The following COL21A1 variants were observed in gnomAD, a reference collection of about 807,000 sequenced individuals.
COL21A1 encodes collagen alpha-1(XXI) chain.
A neutral mutation model predicts 137.9 loss-of-function variants in COL21A1; 149 were observed. The observed-to-expected ratio is 1.08, with a 90% CI of 0.95 to 1.24. The LOEUF is 1.24. Among genes scored for constraint, COL21A1 ranks in the 50% most tolerant of loss-of-function variants. COL21A1 has a pLI of 0.00. For missense variants in COL21A1, 1,167 were observed against 1,158.4 expected (o/e 1.01, Z -0.11); for synonymous variants, 456 against 391.5 (o/e 1.16, Z -1.95).
intron 24 of COL21A1, among the ~76,000 whole-genome samples, chr6:56,063,227 AC>A (rs1765961640): frequency 6.6e-6 from 1 of 152,164 alleles, no homozygotes; most frequent in Admixed American, 6.6e-5. Context: ...GTTAGTGGAA[AC>A]TTAGAGAAAG....
At chr6:56,059,896 C>T (rs988105563) in intron 28 of COL21A1, 122 bp downstream of exon 28, 21 of 625,368 alleles carry the variant, frequency 3.4e-5, no homozygotes, top group Middle Eastern at 3.6e-4. Flanking sequence ...TATTTAAAGA[C>T]GAGCATTTAC....
In COL21A1 at chr6:56,074,270, T is replaced by C. The variant is rs1168502996; in HGVS notation, c.1927A>G (p.Asn643Asp). 1 of 1,594,262 alleles carries C rather than the reference T, an allele frequency of 6.3e-7. No homozygotes were observed. The highest frequency in any genetic ancestry group is 1.7e-5 in the Admixed American group (1 of 57,444). Reference protein sequence around the residue: ...APGMPGLMGSNGSPGQPGTPG... With the variant: ...APGMPGLMGSDGSPGQPGTPG... The stretch of plus-strand genomic sequence containing the variant: ...GTTCCAGGCTGGCCTGGTGAGCCAT[T>C]GCTTCCCATTAAACCCTACAATTTT... Residue 643 changes from asparagine to aspartate, a missense_variant, in exon 20 of 30, where the codon AAT (asparagine) becomes GAT (aspartate). Coordinates refer to ENST00000244728, the MANE Select transcript of COL21A1 (RefSeq NM_030820.4).
chr6:56,166,520 C>T (rs12207093), intron 7 of COL21A1, among the ~76,000 whole-genome samples: 13,587 of 152,006 alleles, frequency 0.089, 717 homozygotes, highest in African/African-American at 0.14. Context: ...GGTGTGGTGG[C>T]GGGCATCTGT....
intron 1 of COL21A1, among the ~76,000 whole-genome samples, chr6:56,216,213 A>C (rs1008904319): frequency 1.3e-5 from 2 of 152,130 alleles, no homozygotes; most frequent in Admixed American, 6.6e-5. Flanking sequence ...TATATTGTCC[A>C]CTGCGATATG....
chr6:56,097,113 C>A (rs1769395012), intron 17 of COL21A1, among the ~76,000 whole-genome samples: 1 of 152,126 alleles, frequency 6.6e-6, no homozygotes, highest in Non-Finnish European at 1.5e-5. Flanking sequence ...AGACACTTAA[C>A]CTATGAATTG....
chr6:56,105,921 T>A (rs1455366664), intron 16 of COL21A1, among the ~76,000 whole-genome samples: 1 of 152,194 alleles, frequency 6.6e-6, no homozygotes, highest in Non-Finnish European at 1.5e-5. Context: ...ATTCTTGTCC[T>A]TTACCTCACT....
At chr6:56,238,517 G>A (rs1782059634) in intron 1 of COL21A1, among the ~76,000 whole-genome samples, 1 of 150,634 alleles carries the variant, frequency 6.6e-6, no homozygotes, top group African/African-American at 2.5e-5. Context: ...GAGACCTGAG[G>A]ATACCCTCAG....
intron 12 of COL21A1, among the ~76,000 whole-genome samples, chr6:56,135,291 A>C (rs1773910755): frequency 6.6e-6 from 1 of 152,162 alleles, no homozygotes; most frequent in East Asian, 1.9e-4. Flanking sequence ...ATCACAGCCC[A>C]GTAGGAAAAT....
chr6:56,196,374 TC>T (rs1779026764), intron 1 of COL21A1, among the ~76,000 whole-genome samples: 2 of 151,782 alleles, frequency 1.3e-5, no homozygotes, highest in South Asian at 2.1e-4. Context: ...GCCAAACCAA[TC>T]AGGCAAGAAA....
At chr6:56,273,371 T>TAGCTA (rs1763571293) in intron 1 of COL21A1, among the ~76,000 whole-genome samples, 1 of 151,332 alleles carries the variant, frequency 6.6e-6, no homozygotes. Flanking sequence ...GCAGAAGAAA[T>TAGCTA]AAATTAGAAA....
intron 16 of COL21A1, among the ~76,000 whole-genome samples, chr6:56,115,074 T>TC (rs1407494253): frequency 1.3e-5 from 2 of 151,074 alleles, no homozygotes; most frequent in Non-Finnish European, 2.9e-5. Context: ...CACCGCATAT[T>TC]CTCACTCATA....
chr6:56,265,642 T>C (rs1482631135), intron 1 of COL21A1, among the ~76,000 whole-genome samples: 1 of 152,224 alleles, frequency 6.6e-6, no homozygotes, highest in African/African-American at 2.4e-5. Flanking sequence ...TTCCCACTGG[T>C]GACAGATCAT....
chr6:56,191,630 T>TGAAC (rs1156682548), intron 1 of COL21A1, among the ~76,000 whole-genome samples: 1 of 146,118 alleles, frequency 6.8e-6, no homozygotes, highest in East Asian at 2.0e-4. Flanking sequence ...AAATCATGAG[T>TGAAC]GAACTCCCAT....
chr6:56,141,293 T>A (rs1289192710), intron 12 of COL21A1, among the ~76,000 whole-genome samples: 1 of 152,126 alleles, frequency 6.6e-6, no homozygotes, highest in Non-Finnish European at 1.5e-5. Flanking sequence ...TTCAACAACA[T>A]GAATGAACCT....
chr6:56,294,660 T>C (rs138871281), intron 1 of COL21A1, among the ~76,000 whole-genome samples: 34 of 152,230 alleles, frequency 2.2e-4, no homozygotes, highest in African/African-American at 7.9e-4. Context: ...ATGTATAATG[T>C]GTATAGTGGT....
At chr6:56,091,865 T>C (rs1562179440) in intron 17 of COL21A1, among the ~76,000 whole-genome samples, 1 of 152,226 alleles carries the variant, frequency 6.6e-6, no homozygotes, top group Non-Finnish European at 1.5e-5. Context: ...GAGTATTTTC[T>C]GTTACGGTTT....
At chr6:56,135,121 A>G (rs533731851) in intron 12 of COL21A1, among the ~76,000 whole-genome samples, 1 of 152,126 alleles carries the variant, frequency 6.6e-6, no homozygotes, top group South Asian at 2.1e-4. Context: ...AAGATAGGAG[A>G]AAAAAAGAAG....
chr6:56,152,275 T>G (rs981977696), intron 10 of COL21A1, among the ~76,000 whole-genome samples: 3 of 152,182 alleles, frequency 2.0e-5, no homozygotes, highest in Non-Finnish European at 2.9e-5. Context: ...ACTCTGACAC[T>G]CCTGCCTCCC....
chr6:56,175,262 CT>C (rs1185981758), intron 3 of COL21A1, among the ~76,000 whole-genome samples: 4 of 152,042 alleles, frequency 2.6e-5, no homozygotes, highest in Non-Finnish European at 4.4e-5. Context: ...TTCACCACTT[CT>C]ATTCAACATT....
Sources: gnomAD v4.1 joint callset for allele counts (sites outside exome capture counted in the v4.1 genomes callset) on GRCh38, gnomAD v4.1.1 for gene constraint, MANE v1.5 for transcripts, NCBI Gene and HGNC (gene_info 2026-07-23, HGNC 2026-07-21) for gene names.